MBD5: variants seen among roughly 807,000 people sequenced by gnomAD.
MBD5 encodes methyl-CpG-binding domain protein 5.
Under a neutral mutation model 117.3 loss-of-function variants are expected in MBD5, and 13 were observed. That is an observed-to-expected ratio of 0.11 (90% CI 0.07 to 0.18). The LOEUF (loss-of-function observed/expected upper bound fraction) is 0.18, where lower values mean the gene tolerates loss of function less well. Ranked by LOEUF, MBD5 falls within the 10% of genes least tolerant of loss-of-function variation. MBD5 has a pLI of 1.00. For missense variants in MBD5, 1,879 were observed against 2,093.8 expected (o/e 0.90, Z 2.00); for synonymous variants, 727 against 766.4 (o/e 0.95, Z 0.85).
At chr2:148,171,864 G>A (rs189750505) in intron 1 of MBD5, among the ~76,000 whole-genome samples, 2 of 152,120 alleles carry the variant, frequency 1.3e-5, no homozygotes, top group South Asian at 2.1e-4. Context: ...ATTTACAATC[G>A]CTACAAACAA....
At chr2:148,380,813 A>G (rs1473716996) in intron 4 of MBD5, among the ~76,000 whole-genome samples, 2 of 152,156 alleles carry the variant, frequency 1.3e-5, no homozygotes, top group African/African-American at 2.4e-5. Flanking sequence ...GCAGTTCACC[A>G]ATATCCACTG....
intron 3 of MBD5, among the ~76,000 whole-genome samples, chr2:148,258,428 G>A (rs2167882): frequency 0.95 from 144,081 of 152,178 alleles, 68,683 homozygotes; most frequent in East Asian, 1. Context: ...AATCTGCACC[G>A]GTATCCACCA....
intron 5 of MBD5, among the ~76,000 whole-genome samples, chr2:148,459,538 C>T (rs1481033115): frequency 6.6e-6 from 1 of 152,140 alleles, no homozygotes; most frequent in African/African-American, 2.4e-5. Flanking sequence ...CATCTAAGTT[C>T]CCTACTTCAT....
chr2:148,353,898 C>A (rs1703306606), intron 4 of MBD5, among the ~76,000 whole-genome samples: 1 of 151,944 alleles, frequency 6.6e-6, no homozygotes, highest in Non-Finnish European at 1.5e-5. Flanking sequence ...AGTTTTATCT[C>A]TATTTTTAGT....
chr2:148,147,249 T>A (rs1423115945), intron 1 of MBD5, among the ~76,000 whole-genome samples: 1 of 151,976 alleles, frequency 6.6e-6, no homozygotes, highest in African/African-American at 2.4e-5. Flanking sequence ...TTATTTATTT[T>A]ATTTTTTTTC....
chr2:148,110,979 A>G (rs2105349463), intron 1 of MBD5, among the ~76,000 whole-genome samples: 1 of 151,744 alleles, frequency 6.6e-6, no homozygotes, highest in Non-Finnish European at 1.5e-5. Context: ...TGAGGTTTTT[A>G]TTTTAAAATT....
chr2:148,075,959 G>T (rs1322623900), intron 1 of MBD5, among the ~76,000 whole-genome samples: 2 of 152,004 alleles, frequency 1.3e-5, no homozygotes, highest in African/African-American at 4.8e-5. Context: ...TAATTAGTTT[G>T]CAAGAAATCA....
intron 4 of MBD5, among the ~76,000 whole-genome samples, chr2:148,423,357 T>C (rs1000490313): frequency 2.0e-5 from 3 of 152,092 alleles, no homozygotes; most frequent in Non-Finnish European, 4.4e-5. Flanking sequence ...ACATGAATTC[T>C]TTACATTTCA....
chr2:148,221,273 T>TG (rs780736627), intron 2 of MBD5, among the ~76,000 whole-genome samples: 3 of 152,172 alleles, frequency 2.0e-5, no homozygotes, highest in Non-Finnish European at 4.4e-5. Flanking sequence ...TGATTTCTTT[T>TG]GGGTATATAC....
At chr2:148,188,927 A>T (rs2105895044) in intron 2 of MBD5, among the ~76,000 whole-genome samples, 1 of 151,892 alleles carries the variant, frequency 6.6e-6, no homozygotes, top group African/African-American at 2.4e-5. Flanking sequence ...AAGCAGGGCG[A>T]GACATTGCCT....
chr2:148,283,180 G>C (rs1456481720), intron 3 of MBD5, among the ~76,000 whole-genome samples: 1 of 152,060 alleles, frequency 6.6e-6, no homozygotes, highest in Admixed American at 6.6e-5. Context: ...TGTATAAACT[G>C]TAAATCACTA....
intron 4 of MBD5, among the ~76,000 whole-genome samples, chr2:148,422,163 A>G (rs1468801521): frequency 1.3e-5 from 2 of 152,176 alleles, no homozygotes; most frequent in African/African-American, 4.8e-5. Flanking sequence ...AGGGGCTGAC[A>G]GACACCTCAT....
intron 3 of MBD5, among the ~76,000 whole-genome samples, chr2:148,257,181 CCATCTGTGTT>C (rs1315342881): frequency 1.3e-5 from 2 of 152,220 alleles, no homozygotes; most frequent in Non-Finnish European, 2.9e-5. Context: ...CCAAACAAAA[CCATCTGTGTT>C]CATCTGTGGT....
chr2:148,241,422 A>G (rs1700213955), intron 3 of MBD5, among the ~76,000 whole-genome samples: 1 of 152,182 alleles, frequency 6.6e-6, no homozygotes, highest in Admixed American at 6.6e-5. Flanking sequence ...TTCAAACTCG[A>G]AACTCTTTGT....
intron 1 of MBD5, among the ~76,000 whole-genome samples, chr2:148,064,097 A>G (rs1363291524): frequency 1.3e-5 from 2 of 151,228 alleles, no homozygotes; most frequent in South Asian, 4.2e-4. Flanking sequence ...AATCTAAAGG[A>G]AACATACTAT....
At chr2:148,180,047 CT>C (rs201539733) in intron 2 of MBD5, among the ~76,000 whole-genome samples, 1,991 of 151,594 alleles carry the variant, frequency 0.013, 56 homozygotes, top group Admixed American at 0.06. Context: ...TTCTATTTTT[CT>C]TTATTCTCTT....
intron 1 of MBD5, among the ~76,000 whole-genome samples, chr2:148,038,501 A>C (rs1694258403): frequency 6.7e-6 from 1 of 149,458 alleles, no homozygotes; most frequent in Admixed American, 6.6e-5. Flanking sequence ...TTTAATAAGT[A>C]CAGTCTTATG....
At chr2:148,114,989 T>C (rs1245286665) in intron 1 of MBD5, among the ~76,000 whole-genome samples, 1 of 152,148 alleles carries the variant, frequency 6.6e-6, no homozygotes, top group Non-Finnish European at 1.5e-5. Flanking sequence ...TATATATGTA[T>C]ATGCATATGT....
chr2:148,406,069 C>T (rs971324475), intron 4 of MBD5, among the ~76,000 whole-genome samples: 1 of 152,034 alleles, frequency 6.6e-6, no homozygotes, highest in South Asian at 2.1e-4. Flanking sequence ...GTGGTACATT[C>T]CTGTAATCCC....
Sources: gnomAD v4.1 joint callset for allele counts (sites outside exome capture counted in the v4.1 genomes callset) on GRCh38, gnomAD v4.1.1 for gene constraint, MANE v1.5 for transcripts, NCBI Gene and HGNC (gene_info 2026-07-23, HGNC 2026-07-21) for gene names.